Variants in SLC25A25 observed in about 807,000 individuals in gnomAD.
SLC25A25 encodes mitochondrial adenyl nucleotide antiporter SLC25A25.
A neutral mutation model predicts 57.7 loss-of-function variants in SLC25A25; 32 were observed. That is an observed-to-expected ratio of 0.55 (90% confidence interval 0.42 to 0.74). The LOEUF (loss-of-function observed/expected upper bound fraction) is 0.74, where lower values mean the gene tolerates loss of function less well. SLC25A25 is among the 30% of genes least tolerant of loss of function. The pLI, the probability that SLC25A25 is intolerant of heterozygous loss-of-function variation, is 0.00. For synonymous variants in SLC25A25, 306 were observed against 291.2 expected, an observed-to-expected ratio of 1.05 and a Z score of -0.52; for missense variants, 556 against 701.3, an observed-to-expected ratio of 0.79 and a Z score of 2.34.
At chr9:128,070,084 ATTT>A (rs71381724) in intron 1 of SLC25A25, among the ~76,000 whole-genome samples, 64 of 6,366 alleles carry the variant, frequency 0.01, no homozygotes, top group Non-Finnish European at 0.019. Flanking sequence ...CACCCAGCTA[ATTT>A]TTTTTTTTTT....
chr9:128,079,476 T>G (rs1833092611), intron 1 of SLC25A25, among the ~76,000 whole-genome samples: 1 of 148,104 alleles, frequency 6.8e-6, no homozygotes, highest in Non-Finnish European at 1.5e-5. Flanking sequence ...AAGAACCAAC[T>G]GGCTGGGCGT....
intron 1 of SLC25A25, among the ~76,000 whole-genome samples, chr9:128,071,093 T>C (rs1007827524): frequency 1.2e-4 from 19 of 152,294 alleles, no homozygotes; most frequent in African/African-American, 4.1e-4. Flanking sequence ...TGCGGGAGCA[T>C]GTTAAATGTC....
At chr9:128,069,908 C>T (rs1832863572) in intron 1 of SLC25A25, among the ~76,000 whole-genome samples, 1 of 146,514 alleles carries the variant, frequency 6.8e-6, no homozygotes, top group Non-Finnish European at 1.5e-5. Context: ...TGTGCCACCA[C>T]ACCCAGCTAA....
Position 128,101,397 on chromosome 9 carries a change from G to A in SLC25A25, c.476+1G>A. ...AGCAGGCAGAAAAAATTCTCAAGAG[G>A]TGAGTGCTCAGCCAGCCTCTGTGTT... On this transcript the variant is annotated splice_donor_variant, in intron 3 of 10. Coordinates refer to ENST00000373069, the MANE Select transcript of SLC25A25 (RefSeq NM_001330988.2). LOFTEE classifies it high-confidence loss of function. The surrounding 1 kb of genome is among the most constrained non-coding windows in gnomAD (Gnocchi z 4.9). The A allele has an allele frequency of 6.2e-7, 1 of 1,614,132 alleles. No individual in the cohort carries two copies. Among genetic ancestry groups the A allele is most frequent in the South Asian group, 1.1e-5 (1 of 91,066 alleles).
chr9:128,085,456 C>T (rs1409234437), intron 1 of SLC25A25, among the ~76,000 whole-genome samples: 1 of 152,094 alleles, frequency 6.6e-6, no homozygotes, highest in African/African-American at 2.4e-5. Flanking sequence ...ATGGCAAGAC[C>T]CTATCTTTGC....
intron 1 of SLC25A25, 185 bp from the exon 2 acceptor site, chr9:128,100,911 G>A (rs1833765261): frequency 8.3e-6 from 6 of 724,124 alleles, no homozygotes; most frequent in African/African-American, 7.1e-5. Context: ...GGGGTTCTAG[G>A]TGGTGGCTCT....
At chr9:128,089,151 A>C (rs1833342934) in intron 1 of SLC25A25, among the ~76,000 whole-genome samples, 1 of 152,080 alleles carries the variant, frequency 6.6e-6, no homozygotes, top group African/African-American at 2.4e-5. Context: ...TTGGCCTCCC[A>C]AAAGTGCTGG....
intron 1 of SLC25A25, 152 bp downstream of exon 1, chr9:128,068,732 C>A: frequency 1.1e-6 from 1 of 909,896 alleles, no homozygotes; most frequent in Non-Finnish European, 1.5e-6. Context: ...CCACTTATGC[C>A]CTGGTGGGAG....
intron 1 of SLC25A25, among the ~76,000 whole-genome samples, chr9:128,076,979 G>T (rs1319910664): frequency 6.6e-6 from 1 of 152,130 alleles, no homozygotes; most frequent in Admixed American, 6.5e-5. Flanking sequence ...TGTCATGTTA[G>T]ACTGAAATCT....
At chr9:128,091,357 G>C in intron 1 of SLC25A25, 6 of 864,916 alleles carry the variant, frequency 6.9e-6, no homozygotes, top group Non-Finnish European at 6.9e-6. Flanking sequence ...TGGAGGGCTG[G>C]TGCTGGTAGG....
At chr9:128,072,741 C>G (rs916845800) in intron 1 of SLC25A25, among the ~76,000 whole-genome samples, 8 of 152,156 alleles carry the variant, frequency 5.3e-5, no homozygotes, top group African/African-American at 1.7e-4. Context: ...AAAAAGATGA[C>G]GACAACAGTA....
At position 128,099,311 on chromosome 9, in the gene SLC25A25, G is replaced by A; in HGVS notation, c.262-1785G>A. 7.8e-7 allele frequency: 1 copy of A among 1,276,754 alleles called. No homozygotes were observed. Among genetic ancestry groups the A allele is most frequent in the Non-Finnish European group, 1.0e-6 (1 of 984,200 alleles). 79.1% of individuals were successfully genotyped at this position (1,276,754 alleles called of 1,614,324 possible). Reference sequence around the variant, plus strand: ...CACCAAGGGGGATTTGCAGATCCAAGGAAGGAGACAGAAGGAGGCCCAGGC... The same window carrying A: ...CACCAAGGGGGATTTGCAGATCCAAAGAAGGAGACAGAAGGAGGCCCAGGC... On this transcript the variant is annotated intron_variant, in intron 1 of 10. Coordinates refer to ENST00000373069, the MANE Select transcript of SLC25A25 (RefSeq NM_001330988.2). This position sits in a 1 kb window ranked among gnomAD's most constrained non-coding sequence, Gnocchi z 6.8.
In SLC25A25 at chr9:128,109,162, T is replaced by C. The variant is rs1184026352; in HGVS notation, c.*1718T>C. Reference sequence around the variant, plus strand: ...GTTATATATGAACATATAACTGGAGTCGTCAAAAAGCAAATTAAGAAAGAA... The same window carrying C: ...GTTATATATGAACATATAACTGGAGCCGTCAAAAAGCAAATTAAGAAAGAA... On this transcript the variant is annotated 3_prime_UTR_variant, in exon 11 of 11. Coordinates refer to ENST00000373069, the MANE Select transcript of SLC25A25 (RefSeq NM_001330988.2). 1 of 152,370 alleles carries C rather than the reference T, an allele frequency of 6.6e-6. No individual in the cohort carries two copies. The highest frequency in any genetic ancestry group is 1.5e-5 in the Non-Finnish European group (1 of 68,008). The allele number at this position is 152,370 out of a possible 1,614,324, so 9.4% of individuals were successfully genotyped here. A position where few individuals can be genotyped will look rare whatever the true frequency, so the allele number is the denominator to read the frequency against.
chr9:128,089,109 CGGTCTCAAACTCT>C (rs1156795392), intron 1 of SLC25A25, among the ~76,000 whole-genome samples: 2 of 152,024 alleles, frequency 1.3e-5, no homozygotes, highest in Non-Finnish European at 2.9e-5. Flanking sequence ...TTGGCCATGC[CGGTCTCAAACTCT>C]GGGCTCAAAA....
At chr9:128,091,841 C>A in intron 1 of SLC25A25, 1 of 1,582,420 alleles carries the variant, frequency 6.3e-7, no homozygotes, top group South Asian at 1.1e-5. Flanking sequence ...AGTGAACAGT[C>A]GCCATCAGAG....
In SLC25A25 at chr9:128,102,992, GC is replaced by G. The variant is rs756672013; in HGVS notation, c.624+512del. Among the ~76,000 whole-genome samples, 5 of 152,312 alleles carry G rather than the reference GC, an allele frequency of 3.3e-5. No individual in the cohort carries two copies. The South Asian group carries it at 1.0e-3, about 32-fold the overall frequency. On this transcript the variant is annotated intron_variant, in intron 5 of 10. Transcript: ENST00000373069. This position sits in a 1 kb window ranked among gnomAD's most constrained non-coding sequence, Gnocchi z 4.1. ...CTCTGCCCCGAGCCCTTCATGCTTG[GC>G]GTGTCCCTCTCTGAGTCCTGGTGTG...
chr9:128,106,048 C>G (rs1834018230), intron 7 of SLC25A25, 102 bp from the exon 8 acceptor site: 1 of 1,547,586 alleles, frequency 6.5e-7, no homozygotes, highest in Non-Finnish European at 8.9e-7. Context: ...CCTTACATTT[C>G]TGGGTAGCAT....
chr9:128,079,738 A>G (rs1833104517), intron 1 of SLC25A25, among the ~76,000 whole-genome samples: 2 of 150,470 alleles, frequency 1.3e-5, no homozygotes, highest in African/African-American at 4.9e-5. Flanking sequence ...CACGCCTGTA[A>G]TCCCAGCACT....
chr9:128,081,431 CAG>C (rs1427582082), intron 1 of SLC25A25, among the ~76,000 whole-genome samples: 2 of 152,262 alleles, frequency 1.3e-5, no homozygotes, highest in East Asian at 3.9e-4. Flanking sequence ...AGGATAAGGA[CAG>C]GGTGGGTACA....
Sources: allele counts gnomAD v4.1 joint callset (sites outside exome capture counted in the v4.1 genomes callset), GRCh38; gene constraint gnomAD v4.1.1; non-coding constraint Gnocchi (gnomAD v3.1); transcripts MANE v1.5; gene names NCBI Gene and HGNC (gene_info 2026-07-23, HGNC 2026-07-21).